Variants in SDHA observed in about 807,000 individuals in gnomAD.
The protein encoded by SDHA is succinate dehydrogenase [ubiquinone] flavoprotein subunit, mitochondrial.
In SDHA, 48 loss-of-function variants were observed where a neutral mutation model predicts 78.4. The ratio of observed to expected loss-of-function variants is 0.61; its 90% CI spans 0.49 to 0.78. The LOEUF is 0.78. SDHA is among the 30% of genes least tolerant of loss of function. The pLI, the probability that SDHA is intolerant of heterozygous loss-of-function variation, is 0.00. For missense variants in SDHA, 680 were observed against 892.7 expected, an observed-to-expected ratio of 0.76 and a Z score of 3.04; for synonymous variants, 326 against 353.9, an observed-to-expected ratio of 0.92 and a Z score of 0.88.
Position 240,387 on chromosome 5 carries a change from G to A in SDHA, c.1462G>A (p.Ala488Thr), listed in dbSNP as rs369100772. 27 of 1,608,946 alleles carry A rather than the reference G, an allele frequency of 1.7e-5. No individual in the cohort carries two copies. In the Middle Eastern group the frequency reaches 5.7e-4, roughly 34 times the overall value. Reference protein sequence around the residue: ...GDKVPPIKPNAGEESVMNLDK... With the variant: ...GDKVPPIKPNTGEESVMNLDK... ...TAAAGTCCCTCCAATTAAACCAAAC[G>A]CTGGGGAAGAATCTGTCATGAATCT... The change falls in exon 11 of 15, where the codon GCT (alanine) becomes ACT (threonine). Residue 488 changes from alanine (A) to threonine (T), a missense_variant. Transcript: ENST00000264932.
At chr5:266,679 A>C in the SDHA span, among the ~76,000 whole-genome samples, 3 of 152,176 alleles carry the variant, frequency 2.0e-5, no homozygotes, top group South Asian at 6.2e-4. Flanking sequence ...CAGAGAGGAG[A>C]TGTGGATAAT....
intron 11 of SDHA, among the ~76,000 whole-genome samples, chr5:247,253 A>C (rs1454560912): frequency 6.6e-6 from 1 of 152,170 alleles, no homozygotes; most frequent in Non-Finnish European, 1.5e-5. Context: ...CCACACAATT[A>C]ATTGAAAATG....
intron 5 of SDHA, 92 bp from the exon 6 acceptor site, chr5:228,093 A>G (rs1735153717): frequency 1.1e-5 from 14 of 1,295,204 alleles, no homozygotes; most frequent in Admixed American, 1.8e-5. Flanking sequence ...ATTTGGATCA[A>G]GTTCTTTCAC....
intron 11 of SDHA, among the ~76,000 whole-genome samples, chr5:242,944 G>A (rs1736235792): frequency 1.3e-5 from 2 of 152,322 alleles, no homozygotes; most frequent in Admixed American, 1.3e-4. Flanking sequence ...AAAGGAGGGA[G>A]AGGTTCATCC....
At chr5:233,350 G>C in intron 7 of SDHA, 127 bp from the exon 8 acceptor site, 1 of 975,636 alleles carries the variant, frequency 1.0e-6, no homozygotes, top group Non-Finnish European at 1.6e-6. Flanking sequence ...TTGCTGTGCA[G>C]TTTTGCACAT....
Position 256,396 on chromosome 5 carries a change from C to A in SDHA, c.1971C>A (p.Val657=). 6.2e-7 allele frequency: 1 copy of A among 1,613,792 alleles called. No homozygotes were observed. Among genetic ancestry groups the A allele is most frequent in the Non-Finnish European group, 8.5e-7 (1 of 1,179,668 alleles). Residue 657 remains valine, a synonymous_variant, in exon 15 of 15, where the codon GTC becomes GTA. Transcript: ENST00000264932. ...TGAACGAGGCTGACTGTGCCACCGT[C>A]CCGCCAGCCATTCGCTCCTACTGAT... The part of the protein sequence containing the change: ...KTLNEADCAT[V]PPAIRSY
intron 8 of SDHA, chr5:234,602 A>T (rs955357777): frequency 1.8e-5 from 3 of 171,152 alleles, no homozygotes; most frequent in African/African-American, 4.8e-5. Context: ...ATACAGTGTA[A>T]CAGCTATTTA....
intron 10 of SDHA, among the ~76,000 whole-genome samples, chr5:238,229 G>T (rs1049481785): frequency 2.6e-5 from 4 of 152,094 alleles, no homozygotes; most frequent in African/African-American, 9.7e-5. Context: ...ATTGGTGGTT[G>T]CCAGAGGCTG....
intron 1 of SDHA, among the ~76,000 whole-genome samples, chr5:219,474 A>T (rs1734591990): frequency 6.6e-6 from 1 of 152,208 alleles, no homozygotes; most frequent in Admixed American, 6.5e-5. Flanking sequence ...AGCAATATTG[A>T]TTTGAATTAT....
At chr5:220,970 G>A (rs1272500632) in intron 1 of SDHA, among the ~76,000 whole-genome samples, 1 of 152,014 alleles carries the variant, frequency 6.6e-6, no homozygotes, top group East Asian at 1.9e-4. Flanking sequence ...CTGCCATCAT[G>A]CCCGGCTAAT....
At chr5:222,652 C>G (rs1434894246) in intron 1 of SDHA, among the ~76,000 whole-genome samples, 3 of 152,074 alleles carry the variant, frequency 2.0e-5, no homozygotes, top group Non-Finnish European at 2.9e-5. Context: ...TAAAACTATT[C>G]TTGATGATAT....
the SDHA span, among the ~76,000 whole-genome samples, chr5:263,470 C>G: frequency 5.1e-4 from 77 of 152,280 alleles, no homozygotes; most frequent in African/African-American, 1.8e-3. Context: ...AAAGTGCATA[C>G]TGTGTACAGA....
At chr5:267,542 C>T in the SDHA span, among the ~76,000 whole-genome samples, 1 of 152,200 alleles carries the variant, frequency 6.6e-6, no homozygotes, top group African/African-American at 2.4e-5. Flanking sequence ...GTGCCAAAGA[C>T]ATCAGATGCA....
At chr5:262,921 T>A in the SDHA span, among the ~76,000 whole-genome samples, 1 of 152,178 alleles carries the variant, frequency 6.6e-6, no homozygotes, top group Non-Finnish European at 1.5e-5. Flanking sequence ...AACCTTTTGT[T>A]TTTCCTTATA....
chr5:260,782 A>T (rs796790523), downstream of SDHA, among the ~76,000 whole-genome samples: 1 of 5,258 alleles, frequency 1.9e-4, no homozygotes, highest in East Asian at 1.9e-3. Flanking sequence ...CCGCCTCCCG[A>T]CAGAGCATTA....
intron 5 of SDHA, among the ~76,000 whole-genome samples, chr5:226,778 A>G (rs1735055186): frequency 6.6e-6 from 1 of 151,498 alleles, no homozygotes; most frequent in Non-Finnish European, 1.5e-5. Flanking sequence ...AATACAAAAA[A>G]ATTAGCCAGG....
chr5:242,121 C>A (rs1736178321), intron 11 of SDHA, among the ~76,000 whole-genome samples: 1 of 152,104 alleles, frequency 6.6e-6, no homozygotes, highest in Admixed American at 6.5e-5. Context: ...GAAATGCGTT[C>A]CGTTGGGGAA....
chr5:249,612 T>C (rs1736684864), intron 11 of SDHA: 1 of 152,400 alleles, frequency 6.6e-6, no homozygotes, highest in Non-Finnish European at 1.5e-5. Flanking sequence ...AGGAATACTT[T>C]TAGTAAATCT....
intron 4 of SDHA, 114 bp downstream of exon 4, chr5:225,676 C>A: frequency 1.4e-6 from 2 of 1,475,182 alleles, no homozygotes; most frequent in Non-Finnish European, 1.9e-6. Flanking sequence ...TGGTGATGAG[C>A]AAAGTTCACA....
Sources: allele counts gnomAD v4.1 joint callset (sites outside exome capture counted in the v4.1 genomes callset), GRCh38; gene constraint gnomAD v4.1.1; transcripts MANE v1.5; gene names NCBI Gene and HGNC (gene_info 2026-07-23, HGNC 2026-07-21).